LTBP2: variants seen among roughly 807,000 people sequenced by gnomAD.
LTBP2 encodes the protein latent transforming growth factor beta binding protein 2, also known as latent-transforming growth factor beta-binding protein 2.
In LTBP2, 103 loss-of-function variants were observed where a neutral mutation model predicts 210.6. The observed-to-expected ratio is 0.49, with a 90% CI of 0.42 to 0.58. The LOEUF (loss-of-function observed/expected upper bound fraction) is 0.58. LTBP2 is among the 20% of genes least tolerant of loss of function. The pLI is 0.00. For synonymous variants in LTBP2, 1,007 were observed against 1,015.0 expected, an observed-to-expected ratio of 0.99 and a Z score of 0.15; for missense variants, 2,313 against 2,494.5, an observed-to-expected ratio of 0.93 and a Z score of 1.55.
intron 3 of LTBP2, among the ~76,000 whole-genome samples, chr14:74,568,791 T>C (rs2087936093): frequency 1.3e-5 from 2 of 152,184 alleles, no homozygotes; most frequent in South Asian, 4.1e-4. Context: ...CCAGAGCCTA[T>C]ACCACGAATC....
chr14:74,586,765 G>C lies in LTBP2; in HGVS notation c.566-647C>G, dbSNP rs1043709698. On this transcript the variant is annotated intron_variant, in intron 2 of 35. Transcript: ENST00000261978. The surrounding 1 kb of genome is among the most constrained non-coding windows in gnomAD (Gnocchi z 4.6). ...GACGGTCTCTCCTCTCCTTCCCATT[G>C]TTCTCCATCTCCCACCCTCCTTAGC... is the stretch of plus-strand genomic sequence containing the variant. 6.6e-6 allele frequency among the ~76,000 whole-genome samples: 1 copy of C among 152,122 alleles called. No homozygotes were observed. The highest frequency in any genetic ancestry group is 2.4e-5 in the African/African-American group (1 of 41,432).
chr14:74,529,383 G>A (rs903825796), intron 10 of LTBP2, among the ~76,000 whole-genome samples: 2 of 152,244 alleles, frequency 1.3e-5, no homozygotes, highest in African/African-American at 4.8e-5. Flanking sequence ...GAACCTGAGA[G>A]CAGGGAATGA....
chr14:74,544,568 G>A (rs537702953), intron 8 of LTBP2, among the ~76,000 whole-genome samples: 19 of 152,160 alleles, frequency 1.2e-4, no homozygotes, highest in African/African-American at 4.3e-4. Flanking sequence ...TGCCCCTCAT[G>A]CCCCCAGCAC....
intron 8 of LTBP2, among the ~76,000 whole-genome samples, chr14:74,540,620 C>T (rs1436440168): frequency 3.4e-5 from 5 of 148,512 alleles, no homozygotes; most frequent in East Asian, 2.0e-4. Flanking sequence ...AAAAAATTAG[C>T]GGGATGTGGT....
At chr14:74,564,480 C>T (rs1012356538) in intron 3 of LTBP2, among the ~76,000 whole-genome samples, 36 of 143,028 alleles carry the variant, frequency 2.5e-4, no homozygotes, top group African/African-American at 8.2e-4. Context: ...CTGCAACCTC[C>T]GTCTCCCAGG....
rs547110933 is a variant in LTBP2 at position 74,499,435 on chromosome 14, A to T, written c.*1449T>A. On this transcript the variant is annotated 3_prime_UTR_variant, in exon 36 of 36. Transcript: ENST00000261978. ...TGGCACTCAGCACAGTGCCTGGCAC[A>T]TGGCAAGCATTCAATAAGTTATGTG... The T allele has an allele frequency of 8.8e-6, 2 of 226,554 alleles. No individual in the cohort carries two copies. Among genetic ancestry groups the T allele is most frequent in the South Asian group, 1.8e-4 (1 of 5,478 alleles). 14.0% of individuals were successfully genotyped at this position (226,554 alleles called of 1,614,324 possible).
chr14:74,548,204 T>C (rs898832546), intron 8 of LTBP2, among the ~76,000 whole-genome samples: 2 of 150,218 alleles, frequency 1.3e-5, no homozygotes, highest in African/African-American at 4.9e-5. Context: ...CATCCTAGAT[T>C]GGCATATTTA....
At chr14:74,557,070 T>C (rs1340756119) in intron 3 of LTBP2, among the ~76,000 whole-genome samples, 1 of 152,124 alleles carries the variant, frequency 6.6e-6, no homozygotes, top group African/African-American at 2.4e-5. Flanking sequence ...GAGATCACCC[T>C]GGTCAACATG....
chr14:74,545,575 G>C (rs1205196498), intron 8 of LTBP2, among the ~76,000 whole-genome samples: 1 of 152,234 alleles, frequency 6.6e-6, no homozygotes, highest in Non-Finnish European at 1.5e-5. Context: ...CCATGTGCCA[G>C]CCCCGCCTGT....
Position 74,586,097 on chromosome 14 carries a change from T to C in LTBP2, c.587A>G (p.Gln196Arg), listed in dbSNP as rs374099324. ...CIKPVCEPPC[Q>R]NRGSCSRPQL... ...CGGGCGGCTGCAGGAGCCCCGGTTC[T>C]GGCACGGCGGCTCGCAAACGGCTGA... is the stretch of plus-strand genomic sequence containing the variant. Residue 196 changes from glutamine (Q) to arginine (R), a missense_variant, in exon 3 of 36, where the codon CAG becomes CGG. By Grantham distance (43) the Gln-to-Arg change is conservative. Coordinates refer to ENST00000261978, the MANE Select transcript of LTBP2 (RefSeq NM_000428.3). This position sits in a 1 kb window ranked among gnomAD's most constrained non-coding sequence, Gnocchi z 4.6. The C allele has an allele frequency of 6.6e-5, 106 of 1,599,682 alleles. 1 individual carries two copies. In the African/African-American group the frequency reaches 1.2e-3, roughly 19 times the overall value.
chr14:74,529,143 G>T, intron 10 of LTBP2, 21 bp from the exon 11 acceptor site: 1 of 1,551,150 alleles, frequency 6.4e-7, no homozygotes, highest in East Asian at 2.4e-5. Context: ...CACAGCACGT[G>T]GAGGTGGGCA....
chr14:74,522,751 C>A, intron 16 of LTBP2, 39 bp downstream of exon 16: 2 of 1,592,248 alleles, frequency 1.3e-6, no homozygotes, highest in South Asian at 1.1e-5. Context: ...TCCCATCTAC[C>A]CCAGCCGCCA....
intron 2 of LTBP2, among the ~76,000 whole-genome samples, chr14:74,590,928 T>TA (rs1301916134): frequency 2.0e-5 from 3 of 152,160 alleles, no homozygotes; most frequent in Non-Finnish European, 4.4e-5. Context: ...ACTAAAATCT[T>TA]AGACTTCACC....
At chr14:74,506,928 T>G in intron 26 of LTBP2, 105 bp from the exon 27 acceptor site, 1 of 1,566,298 alleles carries the variant, frequency 6.4e-7, no homozygotes, top group Admixed American at 1.9e-5. Context: ...CACTCTCTCG[T>G]TCTCTGCTGA....
intron 34 of LTBP2, 153 bp downstream of exon 34, chr14:74,502,500 G>T: frequency 1.0e-6 from 1 of 994,170 alleles, no homozygotes; most frequent in Non-Finnish European, 1.6e-6. Flanking sequence ...GTATGTACTT[G>T]TCTCAAGCGA....
intron 22 of LTBP2, 111 bp downstream of exon 22, chr14:74,509,127 G>T: frequency 6.3e-7 from 1 of 1,576,270 alleles, no homozygotes; most frequent in South Asian, 1.1e-5. Flanking sequence ...CTTGGGGAGC[G>T]GGATGATGGC....
chr14:74,528,587 T>C lies in LTBP2; in HGVS notation c.2264A>G (p.Glu755Gly), dbSNP rs1435282761. The change falls in exon 12 of 36, where the codon GAG becomes GGG. Residue 755 changes from glutamate (E) to glycine (G), a missense_variant. By Grantham distance (98) the Glu-to-Gly change is moderately conservative. This residue lies in a region of LTBP2 where 1,867 missense variants were observed against 1,976.9 expected (regional missense o/e 0.94). Transcript: ENST00000261978. The part of the protein sequence containing the change: ...EEEELARPPR[E>G]QGQRSSGALP... Reference sequence around the variant, plus strand: ...TGCCCCGCTGCTCCTCTGCCCTTGCTCCCTTGGGGGCCTTGCCAGTTCCTC... The same window carrying C: ...TGCCCCGCTGCTCCTCTGCCCTTGCCCCCTTGGGGGCCTTGCCAGTTCCTC... The C allele has an allele frequency of 6.2e-7, 1 of 1,613,412 alleles. No homozygotes were observed. Among genetic ancestry groups the C allele is most frequent in the African/African-American group, 1.3e-5 (1 of 74,956 alleles).
At chr14:74,543,075 T>C (rs2087530347) in intron 8 of LTBP2, among the ~76,000 whole-genome samples, 1 of 151,730 alleles carries the variant, frequency 6.6e-6, no homozygotes, top group Non-Finnish European at 1.5e-5. Flanking sequence ...CTGAATTTTT[T>C]CATCTGTAGA....
At chr14:74,523,874 A>C (rs1371567165) in intron 15 of LTBP2, among the ~76,000 whole-genome samples, 2 of 152,030 alleles carry the variant, frequency 1.3e-5, no homozygotes, top group Non-Finnish European at 2.9e-5. Context: ...GTACGTGGGT[A>C]TACAGTGGGG....
Sources: gnomAD v4.1 joint callset for allele counts (sites outside exome capture counted in the v4.1 genomes callset) on GRCh38, gnomAD v4.1.1 for gene constraint, gnomAD v4.1.1 regional missense constraint, Gnocchi (gnomAD v3.1) non-coding constraint, MANE v1.5 for transcripts, NCBI Gene and HGNC (gene_info 2026-07-23, HGNC 2026-07-21) for gene names.